CLEC16A: variants seen among roughly 807,000 people sequenced by gnomAD.
CLEC16A encodes protein CLEC16A.
Under a neutral mutation model 109.5 loss-of-function variants are expected in CLEC16A, and 51 were observed. That is an observed-to-expected ratio of 0.47 (90% CI 0.37 to 0.59). The LOEUF (loss-of-function observed/expected upper bound fraction) is 0.59. CLEC16A is among the 20% of genes least tolerant of loss of function. The probability of loss-of-function intolerance (pLI) is 0.00; values close to 1 mark genes in which losing one functional copy is unlikely to be tolerated. For missense variants in CLEC16A, 1,339 were observed against 1,394.0 expected, an observed-to-expected ratio of 0.96 and a Z score of 0.63; for synonymous variants, 673 against 564.2, an observed-to-expected ratio of 1.19 and a Z score of -2.73.
intron 11 of CLEC16A, among the ~76,000 whole-genome samples, chr16:11,009,567 T>C (rs1274850961): frequency 3.3e-5 from 5 of 152,172 alleles, no homozygotes; most frequent in Non-Finnish European, 7.4e-5. Flanking sequence ...ACTCAGCTCC[T>C]AGAGGCGGGA....
chr16:11,092,066 C>T (rs1035159823), intron 19 of CLEC16A, among the ~76,000 whole-genome samples: 1 of 152,104 alleles, frequency 6.6e-6, no homozygotes, highest in Non-Finnish European at 1.5e-5. Flanking sequence ...ACACTTAGGC[C>T]AAGCACAGTG....
At chr16:11,025,258 C>G (rs2046344437) in intron 13 of CLEC16A, among the ~76,000 whole-genome samples, 1 of 152,180 alleles carries the variant, frequency 6.6e-6, no homozygotes. Flanking sequence ...TTCCTAACAT[C>G]AGAACTGAAA....
In CLEC16A at chr16:10,973,202, G is replaced by T. The variant is rs1201661913; in HGVS notation, c.728+141G>T. On this transcript the variant is annotated intron_variant, in intron 7 of 23. Transcript: ENST00000409790. ...GAGCATGGACTTCCGTACTGTAAAA[G>T]GTCCTGCTCACCTATTTGTAATAAT... The T allele has an allele frequency of 4.3e-6, 4 of 927,358 alleles. No individual in the cohort carries two copies. In the South Asian group the frequency reaches 6.5e-5, roughly 15 times the overall value. 57.4% of individuals were successfully genotyped at this position (927,358 alleles called of 1,614,324 possible).
intron 18 of CLEC16A, among the ~76,000 whole-genome samples, chr16:11,054,128 C>T (rs2048089668): frequency 6.6e-6 from 1 of 152,242 alleles, no homozygotes; most frequent in African/African-American, 2.4e-5. Context: ...GGAGCCAGAT[C>T]ACGGGAGCCT....
At chr16:11,075,428 A>C (rs2058532) in intron 19 of CLEC16A, among the ~76,000 whole-genome samples, 29 of 108,006 alleles carry the variant, frequency 2.7e-4, no homozygotes, top group African/African-American at 7.7e-4. Context: ...GTGTGTGTGT[A>C]TGTGTGTGTG....
At chr16:11,151,492 A>G (rs1259466521) in intron 22 of CLEC16A, among the ~76,000 whole-genome samples, 1 of 152,248 alleles carries the variant, frequency 6.6e-6, no homozygotes, top group East Asian at 1.9e-4. Context: ...CATTGTTTCT[A>G]TCAAGTCACT....
At chr16:10,974,549 C>T (rs1041436922) in intron 7 of CLEC16A, among the ~76,000 whole-genome samples, 6 of 152,272 alleles carry the variant, frequency 3.9e-5, no homozygotes, top group African/African-American at 7.2e-5. Flanking sequence ...CCTCCCCAGT[C>T]GTACCAACCA....
chr16:11,073,131 A>C (rs1160132457), intron 19 of CLEC16A, among the ~76,000 whole-genome samples: 8 of 152,208 alleles, frequency 5.3e-5, no homozygotes, highest in Admixed American at 5.2e-4. Context: ...CCAAGAGGCA[A>C]GTATGTACAT....
At chr16:11,077,880 A>G (rs1339021854) in intron 19 of CLEC16A, among the ~76,000 whole-genome samples, 1 of 151,604 alleles carries the variant, frequency 6.6e-6, no homozygotes, top group Non-Finnish European at 1.5e-5. Context: ...GCACTTTGGG[A>G]GGCTGAGGCA....
chr16:11,046,422 A>G (rs950888095), intron 16 of CLEC16A, among the ~76,000 whole-genome samples: 1 of 152,148 alleles, frequency 6.6e-6, no homozygotes, highest in Non-Finnish European at 1.5e-5. Context: ...AGTTCTGACA[A>G]CTGAAAAAAC....
At chr16:11,111,944 C>T (rs919669626) in intron 19 of CLEC16A, among the ~76,000 whole-genome samples, 8 of 152,244 alleles carry the variant, frequency 5.3e-5, no homozygotes, top group East Asian at 1.9e-4. Flanking sequence ...CTCGCATGTG[C>T]GTATGAATAA....
intron 22 of CLEC16A, among the ~76,000 whole-genome samples, chr16:11,161,397 A>T (rs9928934): frequency 0.2 from 31,042 of 152,090 alleles, 3,592 homozygotes; most frequent in African/African-American, 0.32. Flanking sequence ...GTTTGTAAAG[A>T]CAGAAAAGAA....
At chr16:11,157,319 C>T (rs192220882) in intron 22 of CLEC16A, 604 of 961,144 alleles carry the variant, frequency 6.3e-4, no homozygotes, top group South Asian at 8.5e-4. Context: ...CATCCCTTCC[C>T]CAGGTGCCTG....
chr16:11,086,506 A>C (rs938553292), intron 19 of CLEC16A, among the ~76,000 whole-genome samples: 2 of 152,164 alleles, frequency 1.3e-5, no homozygotes, highest in African/African-American at 4.8e-5. Flanking sequence ...AGTGGAATTC[A>C]GATGGGGATG....
chr16:11,111,066 C>A (rs963395592), intron 19 of CLEC16A, among the ~76,000 whole-genome samples: 1 of 151,958 alleles, frequency 6.6e-6, no homozygotes, highest in African/African-American at 2.4e-5. Flanking sequence ...AGTTGTTTCT[C>A]TAGGCCAGTC....
At chr16:10,980,803 T>G (rs923916019) in intron 9 of CLEC16A, among the ~76,000 whole-genome samples, 3 of 152,208 alleles carry the variant, frequency 2.0e-5, no homozygotes, top group African/African-American at 7.2e-5. Context: ...AATGAAAATG[T>G]GACCTAAATG....
intron 13 of CLEC16A, among the ~76,000 whole-genome samples, chr16:11,028,329 A>G (rs2046542137): frequency 6.6e-6 from 1 of 152,216 alleles, no homozygotes; most frequent in Admixed American, 6.5e-5. Context: ...CCATGGAGGA[A>G]GGAGTCCTGC....
intron 19 of CLEC16A, among the ~76,000 whole-genome samples, chr16:11,099,883 G>A (rs2050812632): frequency 6.6e-6 from 1 of 152,182 alleles, no homozygotes; most frequent in Admixed American, 6.5e-5. Flanking sequence ...GAGGCCCAGA[G>A]CCTGTGCTGT....
intron 11 of CLEC16A, among the ~76,000 whole-genome samples, chr16:11,011,500 C>T (rs1567192509): frequency 1.3e-5 from 2 of 152,122 alleles, no homozygotes; most frequent in South Asian, 4.1e-4. Context: ...ATTTTTTGAG[C>T]AGTCACTTAC....
Sources: gnomAD v4.1 joint callset for allele counts (sites outside exome capture counted in the v4.1 genomes callset) on GRCh38, gnomAD v4.1.1 for gene constraint, MANE v1.5 for transcripts, NCBI Gene and HGNC (gene_info 2026-07-23, HGNC 2026-07-21) for gene names.